Variants in SEC23A observed in about 807,000 individuals in gnomAD.
The protein encoded by SEC23A is SEC23 homolog A, COPII component, also known as protein transport protein Sec23A.
In SEC23A, 56 loss-of-function variants were observed where a neutral mutation model predicts 103.7. That is an observed-to-expected ratio of 0.54 (90% CI 0.44 to 0.67). SEC23A has a LOEUF of 0.67. Ranked by LOEUF, SEC23A falls within the 30% of genes least tolerant of loss-of-function variation. SEC23A has a pLI of 0.00. For missense variants in SEC23A, 784 were observed against 936.4 expected (o/e 0.84, Z 2.12); for synonymous variants, 281 against 293.0 (o/e 0.96, Z 0.42).
intron 11 of SEC23A, chr14:39,064,529 C>A (rs1886590956): frequency 6.4e-6 from 1 of 157,460 alleles, no homozygotes; most frequent in African/African-American, 2.4e-5. Flanking sequence ...ATAATTTAGG[C>A]ATAAAAAATA....
intron 9 of SEC23A, 129 bp downstream of exon 9, chr14:39,074,286 A>G: frequency 1.4e-6 from 1 of 708,168 alleles, no homozygotes; most frequent in Non-Finnish European, 2.5e-6. Flanking sequence ...ATCAAAAACT[A>G]CTAACAGATG....
rs777066571 is a variant in SEC23A at position 39,075,953 on chromosome 14, A to G, written c.969T>C (p.Tyr323=). The change falls in exon 8 of 20, where the codon TAT becomes TAC. Residue 323 remains tyrosine (Y), a synonymous_variant. Transcript: ENST00000307712. ...WHDIDKDNAK[Y]VKKGTKHFEA... Reference sequence around the variant, plus strand: ...AAATTACCTTAGTTCCCTTTTTAACATATTTGGCATTGTCTTTGTCAATGT... The same window carrying G: ...AAATTACCTTAGTTCCCTTTTTAACGTATTTGGCATTGTCTTTGTCAATGT... The G allele has an allele frequency of 3.1e-6, 5 of 1,613,918 alleles. No homozygotes were observed. The highest frequency in any genetic ancestry group is 1.6e-4 in the Middle Eastern group (1 of 6,080).
chr14:39,049,796 A>ATT (rs111327005), intron 14 of SEC23A, among the ~76,000 whole-genome samples: 14,680 of 145,930 alleles, frequency 0.1, 935 homozygotes, highest in East Asian at 0.32. Flanking sequence ...GAAAAAAACA[A>ATT]TTTTTTTTTT....
At position 39,096,145 on chromosome 14, in the gene SEC23A, T is replaced by G; in HGVS notation, c.-21-6A>C. ...GTGGAGTTTGATTCTTATTTCTGTA[T>G]CAAAATTTTAAAATATTTTAAAATC... On this transcript the variant is annotated splice_region_variant and splice_polypyrimidine_tract_variant and intron_variant, in intron 1 of 19. Coordinates refer to ENST00000307712, the MANE Select transcript of SEC23A (RefSeq NM_006364.4). 1 of 1,537,968 alleles carries G rather than the reference T, an allele frequency of 6.5e-7. No individual in the cohort carries two copies. The highest frequency in any genetic ancestry group is 9.0e-7 in the Non-Finnish European group (1 of 1,110,788).
At chr14:39,049,307 C>A (rs996058951) in intron 14 of SEC23A, among the ~76,000 whole-genome samples, 24 of 151,934 alleles carry the variant, frequency 1.6e-4, no homozygotes, top group Admixed American at 1.1e-3. Context: ...GAAACCGCAT[C>A]TCTACTAAAA....
At chr14:39,067,968 C>G (rs1886730465) in intron 9 of SEC23A, among the ~76,000 whole-genome samples, 1 of 151,952 alleles carries the variant, frequency 6.6e-6, no homozygotes, top group Non-Finnish European at 1.5e-5. Flanking sequence ...CCCACCTGGC[C>G]CATTCTCACT....
intron 7 of SEC23A, among the ~76,000 whole-genome samples, chr14:39,078,453 T>C (rs1047754434): frequency 2.6e-5 from 4 of 151,918 alleles, no homozygotes; most frequent in African/African-American, 9.7e-5. Context: ...AGTCAAAAAA[T>C]ACAAAAAGCA....
chr14:39,039,338 C>T (rs1305165648), intron 18 of SEC23A: 3 of 420,216 alleles, frequency 7.1e-6, no homozygotes, highest in East Asian at 7.7e-5. Context: ...TTGTTGAGTC[C>T]AAAACTCAGC....
chr14:39,073,603 C>CTTTTTTTTTT (rs905464578), intron 9 of SEC23A, among the ~76,000 whole-genome samples: 1 of 83,894 alleles, frequency 1.2e-5, no homozygotes. Flanking sequence ...TCTGATTCCT[C>CTTTTTTTTTT]TTTTTTTTTT....
intron 15 of SEC23A, among the ~76,000 whole-genome samples, chr14:39,047,979 G>A (rs1156916858): frequency 6.6e-6 from 1 of 152,140 alleles, no homozygotes; most frequent in Non-Finnish European, 1.5e-5. Context: ...GTTCTCAGGT[G>A]ATGATACCAT....
At chr14:39,064,884 A>G in intron 11 of SEC23A, 29 bp downstream of exon 11, 1 of 1,499,062 alleles carries the variant, frequency 6.7e-7, no homozygotes, top group Non-Finnish European at 9.3e-7. Context: ...CTGGTCCTGT[A>G]TTTTCTTTTT....
intron 1 of SEC23A, among the ~76,000 whole-genome samples, chr14:39,100,457 G>T (rs1038129024): frequency 1.7e-4 from 25 of 147,964 alleles, no homozygotes; most frequent in Non-Finnish European, 2.1e-4. Context: ...TCGTTGCCCA[G>T]GCTGGAGTGC....
intron 1 of SEC23A, among the ~76,000 whole-genome samples, chr14:39,099,230 C>T (rs1888001146): frequency 7.0e-6 from 1 of 142,622 alleles, no homozygotes; most frequent in South Asian, 2.2e-4. Flanking sequence ...GCAATCTCAG[C>T]TCACTGCAAC....
At position 39,098,222 on chromosome 14, in the gene SEC23A, G is replaced by T. The variant is rs192022186; in HGVS notation, c.-21-2083C>A. ...TGGGATATTCAGAGGAGAGTTAGAA[G>T]ATGTCAAACTCCACCGTAACATAGG... On this transcript the variant is annotated intron_variant, in intron 1 of 19. Coordinates refer to ENST00000307712, the MANE Select transcript of SEC23A (RefSeq NM_006364.4). 1.4e-4 allele frequency among the ~76,000 whole-genome samples: 22 copies of T among 152,182 alleles called. No individual in the cohort carries two copies. The East Asian group carries it at 4.2e-3, about 29-fold the overall frequency.
chr14:39,036,335 A>C (rs1885460156), intron 19 of SEC23A, among the ~76,000 whole-genome samples: 1 of 146,642 alleles, frequency 6.8e-6, no homozygotes, highest in Admixed American at 6.7e-5. Context: ...AAAAAAAAAA[A>C]AAAAAAAAAA....
intron 9 of SEC23A, among the ~76,000 whole-genome samples, chr14:39,070,818 G>A (rs773595349): frequency 1.3e-5 from 2 of 152,146 alleles, no homozygotes; most frequent in Non-Finnish European, 2.9e-5. Flanking sequence ...CCTGAGGTCA[G>A]GAGTCCGAGA....
At chr14:39,100,796 C>T (rs543101551) in intron 1 of SEC23A, among the ~76,000 whole-genome samples, 78 of 152,206 alleles carry the variant, frequency 5.1e-4, no homozygotes, top group African/African-American at 1.8e-3. Flanking sequence ...AGTATTAAAC[C>T]AAAGAAATAT....
chr14:39,063,822 C>A (rs757412983), intron 11 of SEC23A, among the ~76,000 whole-genome samples: 28 of 151,820 alleles, frequency 1.8e-4, no homozygotes, highest in South Asian at 6.3e-4. Flanking sequence ...CGGTGAAACC[C>A]CATCTCTACT....
At chr14:39,057,022 C>A (rs910641748) in intron 13 of SEC23A, among the ~76,000 whole-genome samples, 3 of 151,868 alleles carry the variant, frequency 2.0e-5, no homozygotes, top group Admixed American at 6.6e-5. Context: ...ACAGCAAGAC[C>A]CTATCTCTAG....
Sources: allele counts gnomAD v4.1 joint callset (sites outside exome capture counted in the v4.1 genomes callset), GRCh38; gene constraint gnomAD v4.1.1; transcripts MANE v1.5; gene names NCBI Gene and HGNC (gene_info 2026-07-23, HGNC 2026-07-21).